AUTS2: variants seen among roughly 807,000 people sequenced by gnomAD.
AUTS2 encodes the protein autism susceptibility gene 2 protein.
Under a neutral mutation model 112.4 loss-of-function variants are expected in AUTS2, and 17 were observed. That is an observed-to-expected ratio of 0.15 (90% CI 0.10 to 0.23). The LOEUF is 0.23. AUTS2 is among the 10% of genes least tolerant of loss of function. The pLI is 1.00. For missense variants in AUTS2, 1,510 were observed against 1,701.6 expected (o/e 0.89, Z 1.98); for synonymous variants, 751 against 702.7 (o/e 1.07, Z -1.09).
At chr7:70,097,686 A>AT (rs1261692759) in intron 2 of AUTS2, among the ~76,000 whole-genome samples, 2 of 152,220 alleles carry the variant, frequency 1.3e-5, no homozygotes, top group East Asian at 3.8e-4. Flanking sequence ...TGGGTGAATA[A>AT]TTTGAATGGT....
intron 16 of AUTS2, chr7:70,785,298 T>C: frequency 1.6e-6 from 1 of 606,180 alleles, no homozygotes; most frequent in Non-Finnish European, 3.1e-6. Flanking sequence ...TTCCTTGGTA[T>C]CTCAGGGAAT....
chr7:70,412,949 C>T (rs1415206232), intron 4 of AUTS2, among the ~76,000 whole-genome samples: 3 of 152,194 alleles, frequency 2.0e-5, no homozygotes, highest in African/African-American at 7.2e-5. Context: ...GAGATTGCAC[C>T]ACTGCACTGC....
chr7:69,636,016 CA>C (rs1794502917), intron 1 of AUTS2, among the ~76,000 whole-genome samples: 2 of 152,208 alleles, frequency 1.3e-5, no homozygotes, highest in African/African-American at 4.8e-5. Flanking sequence ...CAGAGACAGC[CA>C]AACAATTTGC....
intron 5 of AUTS2, among the ~76,000 whole-genome samples, chr7:70,472,219 C>G (rs1217971193): frequency 6.6e-6 from 1 of 152,216 alleles, no homozygotes; most frequent in African/African-American, 2.4e-5. Flanking sequence ...TCCCACTGTA[C>G]TCCCTTTCCT....
intron 2 of AUTS2, among the ~76,000 whole-genome samples, chr7:70,018,666 A>G (rs944817296): frequency 2.6e-5 from 4 of 152,252 alleles, no homozygotes; most frequent in Non-Finnish European, 5.9e-5. Context: ...GTTGTACTTT[A>G]TAAGCTAATG....
At chr7:69,798,968 G>A (rs941912906) in intron 1 of AUTS2, among the ~76,000 whole-genome samples, 2 of 151,652 alleles carry the variant, frequency 1.3e-5, no homozygotes, top group African/African-American at 2.4e-5. Context: ...TCCAGCCTGG[G>A]CAACAGAGCG....
chr7:70,128,657 C>T (rs1162166405), intron 3 of AUTS2, among the ~76,000 whole-genome samples: 2 of 152,180 alleles, frequency 1.3e-5, no homozygotes, highest in African/African-American at 2.4e-5. Flanking sequence ...TGGCTGAACA[C>T]GTAACTTCTA....
At chr7:70,001,134 G>C (rs541581720) in intron 2 of AUTS2, among the ~76,000 whole-genome samples, 1 of 152,190 alleles carries the variant, frequency 6.6e-6, no homozygotes, top group South Asian at 2.1e-4. Flanking sequence ...TTTCCTTTTT[G>C]TTTCTTTCTC....
chr7:69,653,827 A>G (rs1205052819), intron 1 of AUTS2, among the ~76,000 whole-genome samples: 1 of 151,790 alleles, frequency 6.6e-6, no homozygotes, highest in Non-Finnish European at 1.5e-5. Context: ...CCTGCCTGCC[A>G]CCTCCTCTGC....
At chr7:70,123,025 G>A (rs1002637369) in intron 3 of AUTS2, among the ~76,000 whole-genome samples, 1 of 151,956 alleles carries the variant, frequency 6.6e-6, no homozygotes, top group Admixed American at 6.6e-5. Flanking sequence ...ACAGGCGCTT[G>A]CCACCACGCC....
chr7:70,039,739 T>TA (rs1191839783), intron 2 of AUTS2, among the ~76,000 whole-genome samples: 1 of 152,164 alleles, frequency 6.6e-6, no homozygotes, highest in Non-Finnish European at 1.5e-5. Context: ...TCCTGTGGTT[T>TA]AAAAACGTTC....
intron 3 of AUTS2, among the ~76,000 whole-genome samples, chr7:70,121,608 T>C (rs1005668439): frequency 1.3e-5 from 2 of 152,150 alleles, no homozygotes; most frequent in Non-Finnish European, 2.9e-5. Flanking sequence ...AAATGCAAAT[T>C]AAAACTGTAA....
At chr7:70,055,759 A>G (rs139584515) in intron 2 of AUTS2, among the ~76,000 whole-genome samples, 11 of 152,264 alleles carry the variant, frequency 7.2e-5, no homozygotes, top group South Asian at 2.1e-4. Flanking sequence ...AGTTTCCCCA[A>G]TGTCCAAAGA....
chr7:69,851,595 G>A (rs190094828), intron 1 of AUTS2, among the ~76,000 whole-genome samples: 165 of 152,202 alleles, frequency 1.1e-3, no homozygotes, highest in African/African-American at 3.6e-3. Flanking sequence ...TGATATCTTT[G>A]CTATACTGAA....
intron 2 of AUTS2, among the ~76,000 whole-genome samples, chr7:69,899,734 C>T (rs997366073): frequency 5.9e-5 from 9 of 152,188 alleles, no homozygotes; most frequent in Non-Finnish European, 8.8e-5. Context: ...CTTTATGCAA[C>T]AAAGCTTGAT....
At chr7:69,937,108 A>G (rs1796443763) in intron 2 of AUTS2, among the ~76,000 whole-genome samples, 2 of 152,042 alleles carry the variant, frequency 1.3e-5, no homozygotes, top group South Asian at 4.1e-4. Context: ...ACTTTATGTG[A>G]GTATGCACGA....
intron 1 of AUTS2, among the ~76,000 whole-genome samples, chr7:69,793,937 G>A (rs1428634267): frequency 6.6e-6 from 1 of 152,206 alleles, no homozygotes; most frequent in Non-Finnish European, 1.5e-5. Flanking sequence ...AGCTGCAGAG[G>A]CAGCAGAGTG....
chr7:70,492,472 G>T (rs188593646), intron 5 of AUTS2, among the ~76,000 whole-genome samples: 1 of 152,286 alleles, frequency 6.6e-6, no homozygotes, highest in East Asian at 1.9e-4. Flanking sequence ...TCAGGCACTT[G>T]TGTTTTACTT....
chr7:69,771,786 CT>C (rs10585402), intron 1 of AUTS2, among the ~76,000 whole-genome samples: 52,932 of 143,698 alleles, frequency 0.37, 9,424 homozygotes, highest in African/African-American at 0.4. Context: ...GTCATGTGAC[CT>C]TTTTTTTTTT....
Sources: allele counts gnomAD v4.1 joint callset (sites outside exome capture counted in the v4.1 genomes callset), GRCh38; gene constraint gnomAD v4.1.1; transcripts MANE v1.5; gene names NCBI Gene and HGNC (gene_info 2026-07-23, HGNC 2026-07-21).